The following AKAP19 variants were observed in gnomAD, a reference collection of about 807,000 sequenced individuals.
AKAP19 encodes the protein A-kinase anchoring protein 19, also known as small A-kinase anchoring protein.
chr2:190,126,372 T>C, the AKAP19 span, among the ~76,000 whole-genome samples: 2 of 144,542 alleles, frequency 1.4e-5, no homozygotes, highest in African/African-American at 5.1e-5. Context: ...TACAATTTTC[T>C]TAACAGAAAA....
chr2:190,017,532 C>T, the AKAP19 span, among the ~76,000 whole-genome samples: 1 of 152,050 alleles, frequency 6.6e-6, no homozygotes, highest in Admixed American at 6.6e-5. Context: ...GATCTTACAC[C>T]ACAATTCTAC....
At chr2:189,976,434 T>A in the AKAP19 span, among the ~76,000 whole-genome samples, 1 of 152,214 alleles carries the variant, frequency 6.6e-6, no homozygotes, top group Non-Finnish European at 1.5e-5. Flanking sequence ...AGGGACCCAC[T>A]TGAGGAGGCA....
the AKAP19 span, among the ~76,000 whole-genome samples, chr2:190,093,966 G>A: frequency 6.6e-6 from 1 of 152,192 alleles, no homozygotes; most frequent in Non-Finnish European, 1.5e-5. Flanking sequence ...TCTGTCTTGT[G>A]ACCAAGCACA....
chr2:190,013,750 C>T, the AKAP19 span, among the ~76,000 whole-genome samples: 3 of 152,162 alleles, frequency 2.0e-5, no homozygotes, highest in East Asian at 3.9e-4. Flanking sequence ...AATCTCCTGA[C>T]CTCATGATCC....
the AKAP19 span, among the ~76,000 whole-genome samples, chr2:190,014,256 T>C: frequency 6.6e-5 from 10 of 152,128 alleles, no homozygotes; most frequent in Non-Finnish European, 1.0e-4. Flanking sequence ...AGGAAAAGGG[T>C]TTAATTGACT....
At chr2:190,185,323 A>G in the AKAP19 span, among the ~76,000 whole-genome samples, 1 of 152,238 alleles carries the variant, frequency 6.6e-6, no homozygotes, top group Non-Finnish European at 1.5e-5. Context: ...ATAAAAGAGT[A>G]ATGGCATAAA....
chr2:189,989,369 G>A, the AKAP19 span, among the ~76,000 whole-genome samples: 1 of 151,606 alleles, frequency 6.6e-6, no homozygotes, highest in Non-Finnish European at 1.5e-5. Context: ...AGAAATATAA[G>A]TATTTTCAAT....
chr2:190,152,618 CT>C, the AKAP19 span, among the ~76,000 whole-genome samples: 1 of 152,168 alleles, frequency 6.6e-6, no homozygotes, highest in Admixed American at 6.5e-5. Context: ...TTTTTGTTCA[CT>C]TTTTCCCCCA....
chr2:190,192,049 C>G, the AKAP19 span, among the ~76,000 whole-genome samples: 1 of 151,744 alleles, frequency 6.6e-6, no homozygotes, highest in Admixed American at 6.6e-5. Context: ...AACCCAAGAT[C>G]GCAAATGTTT....
chr2:190,162,470 A>C, the AKAP19 span, among the ~76,000 whole-genome samples: 1 of 152,130 alleles, frequency 6.6e-6, no homozygotes, highest in Non-Finnish European at 1.5e-5. Context: ...TTTGGAAAAA[A>C]AGTATAATTG....
At chr2:190,006,464 G>A in the AKAP19 span, among the ~76,000 whole-genome samples, 14 of 145,788 alleles carry the variant, frequency 9.6e-5, no homozygotes, top group East Asian at 2.1e-3. Flanking sequence ...TGGCTAACAC[G>A]GTGAAATCCC....
At chr2:189,926,383 C>T in the AKAP19 span, among the ~76,000 whole-genome samples, 11 of 152,160 alleles carry the variant, frequency 7.2e-5, 1 homozygote, top group East Asian at 1.7e-3. Context: ...CAAACTCCGC[C>T]TCCTGGGTTC....
chr2:190,200,189 T>G, the AKAP19 span: 8 of 1,566,326 alleles, frequency 5.1e-6, no homozygotes, highest in Non-Finnish European at 7.0e-6. Flanking sequence ...AGGTGCTAGT[T>G]TGAATAAATG....
the AKAP19 span, among the ~76,000 whole-genome samples, chr2:189,960,628 G>T: frequency 6.6e-6 from 1 of 152,122 alleles, no homozygotes; most frequent in Non-Finnish European, 1.5e-5. Context: ...TATCATAACT[G>T]GTCAGATTTC....
chr2:189,943,943 T>C, the AKAP19 span, among the ~76,000 whole-genome samples: 5 of 152,202 alleles, frequency 3.3e-5, no homozygotes, highest in Non-Finnish European at 5.9e-5. Context: ...ATCTTGAAAG[T>C]AACTAACTTG....
chr2:190,072,526 G>GA, the AKAP19 span, among the ~76,000 whole-genome samples: 1 of 152,124 alleles, frequency 6.6e-6, no homozygotes, highest in Admixed American at 6.5e-5. Flanking sequence ...TGAGGTTGAT[G>GA]AAAAAAATTT....
chr2:190,026,132 A>G, the AKAP19 span, among the ~76,000 whole-genome samples: 1 of 152,328 alleles, frequency 6.6e-6, no homozygotes, highest in African/African-American at 2.4e-5. Context: ...TTTCTATAAT[A>G]CTACATTGCA....
chr2:190,129,925 GA>G, the AKAP19 span, among the ~76,000 whole-genome samples: 1 of 151,990 alleles, frequency 6.6e-6, no homozygotes, highest in African/African-American at 2.4e-5. Flanking sequence ...TCCAGCCCAG[GA>G]TATTTTTCTA....
chr2:190,049,630 A>G, the AKAP19 span, among the ~76,000 whole-genome samples: 1 of 152,220 alleles, frequency 6.6e-6, no homozygotes, highest in Non-Finnish European at 1.5e-5. Context: ...AACAAATGCA[A>G]TGAGCATGGC....
Sources: gnomAD v4.1 joint callset for allele counts (sites outside exome capture counted in the v4.1 genomes callset) on GRCh38, gnomAD v4.1.1 for gene constraint, MANE v1.5 for transcripts, NCBI Gene and HGNC (gene_info 2026-07-23, HGNC 2026-07-21) for gene names.